COBL: variants seen among roughly 807,000 people sequenced by gnomAD.
COBL encodes cordon-bleu WH2 repeat protein.
COBL carries 51 observed loss-of-function variants against 98.8 expected under a neutral mutation model. The ratio of observed to expected loss-of-function variants is 0.52; its 90% CI spans 0.41 to 0.65. The LOEUF is 0.65. Among genes scored for constraint, COBL ranks in the 30% least tolerant of loss-of-function variants. The probability of loss-of-function intolerance (pLI) is 0.00; values close to 1 mark genes in which losing one functional copy is unlikely to be tolerated. For missense variants in COBL, 1,617 were observed against 1,617.5 expected (o/e 1.00, Z 0.01); for synonymous variants, 634 against 651.7 (o/e 0.97, Z 0.41).
Position 51,016,738 on chromosome 7 carries a change from A to G in COBL, c.*813T>C. The G allele has an allele frequency of 2.6e-6, 1 of 390,274 alleles. No homozygotes were observed. 24.2% of individuals were successfully genotyped at this position (390,274 alleles called of 1,614,324 possible). A position where few individuals can be genotyped will look rare whatever the true frequency, so the allele number is the denominator to read the frequency against. On this transcript the variant is annotated 3_prime_UTR_variant, in exon 13 of 13. Transcript: ENST00000265136. ...CCAGTGAAGTCATCAGGCTCCGTAC[A>G]CAGGCACCGTGGGGGAGGCCTATGT...
At chr7:51,292,173 T>C (rs1432976541) in intron 1 of COBL, among the ~76,000 whole-genome samples, 3 of 151,408 alleles carry the variant, frequency 2.0e-5, no homozygotes, top group Non-Finnish European at 2.9e-5. Context: ...AGTGGGAGAA[T>C]TGCCAAATGT....
chr7:51,085,396 G>A, intron 6 of COBL, 92 bp from the exon 7 acceptor site: 2 of 1,358,590 alleles, frequency 1.5e-6, no homozygotes. Context: ...GCTGGGGCAG[G>A]GACCTGCACC....
chr7:51,076,784 G>A (rs1793119126), intron 7 of COBL, among the ~76,000 whole-genome samples: 1 of 152,114 alleles, frequency 6.6e-6, no homozygotes, highest in Non-Finnish European at 1.5e-5. Context: ...CAATTACCCT[G>A]TAAATGTATG....
intron 8 of COBL, among the ~76,000 whole-genome samples, chr7:51,041,305 C>G (rs1018544072): frequency 2.0e-5 from 3 of 151,828 alleles, no homozygotes; most frequent in African/African-American, 7.3e-5. Context: ...CTGTTAGGTA[C>G]AAAGAAATAT....
chr7:51,301,222 G>A (rs757678052), intron 1 of COBL, among the ~76,000 whole-genome samples: 12 of 152,136 alleles, frequency 7.9e-5, no homozygotes, highest in Non-Finnish European at 1.5e-4. Flanking sequence ...TCTGAGACTG[G>A]AGCCTCTGGA....
chr7:51,239,222 C>T (rs1230422356), intron 1 of COBL, among the ~76,000 whole-genome samples: 2 of 152,030 alleles, frequency 1.3e-5, no homozygotes. Flanking sequence ...TTCTTAGTCA[C>T]AGGATGAGAT....
intron 1 of COBL, among the ~76,000 whole-genome samples, chr7:51,277,207 C>T (rs1203427044): frequency 3.3e-5 from 5 of 152,190 alleles, no homozygotes; most frequent in Non-Finnish European, 7.3e-5. Context: ...AAGCCAATGA[C>T]CGACTAAGTT....
intron 1 of COBL, among the ~76,000 whole-genome samples, chr7:51,250,452 A>T (rs1796631380): frequency 6.6e-6 from 1 of 152,244 alleles, no homozygotes; most frequent in Admixed American, 6.5e-5. Flanking sequence ...AATGCTGTGG[A>T]CAAATTTTAT....
chr7:51,052,965 CT>C (rs1790378884), intron 7 of COBL, among the ~76,000 whole-genome samples: 1 of 152,114 alleles, frequency 6.6e-6, no homozygotes, highest in South Asian at 2.1e-4. Context: ...ACACAGCATC[CT>C]CTCTGATCCC....
intron 1 of COBL, among the ~76,000 whole-genome samples, chr7:51,299,178 A>C (rs1046201475): frequency 4.6e-5 from 7 of 152,136 alleles, no homozygotes; most frequent in Non-Finnish European, 8.8e-5. Flanking sequence ...ACATACACAC[A>C]CACACACACA....
At chr7:51,295,610 A>G (rs903025302) in intron 1 of COBL, among the ~76,000 whole-genome samples, 2 of 152,164 alleles carry the variant, frequency 1.3e-5, no homozygotes, top group Non-Finnish European at 2.9e-5. Flanking sequence ...GACATCCTGG[A>G]GACAAGGATA....
chr7:51,218,392 A>G (rs867581394), intron 2 of COBL, among the ~76,000 whole-genome samples: 1 of 152,240 alleles, frequency 6.6e-6, no homozygotes, highest in Non-Finnish European at 1.5e-5. Flanking sequence ...TGTGAGAATA[A>G]AAACACCCAG....
At chr7:51,080,645 A>G (rs1344726964) in intron 7 of COBL, among the ~76,000 whole-genome samples, 2 of 152,196 alleles carry the variant, frequency 1.3e-5, no homozygotes, top group African/African-American at 4.8e-5. Flanking sequence ...TCCCCTATAA[A>G]CACAGCGTTT....
chr7:51,018,951 T>TA (rs1786636949), intron 12 of COBL, among the ~76,000 whole-genome samples: 1 of 113,716 alleles, frequency 8.8e-6, no homozygotes, highest in African/African-American at 3.0e-5. Flanking sequence ...TATATATATA[T>TA]ATGATTTTTT....
At chr7:51,249,124 G>A (rs915570305) in intron 1 of COBL, among the ~76,000 whole-genome samples, 8 of 152,094 alleles carry the variant, frequency 5.3e-5, no homozygotes, top group Non-Finnish European at 8.8e-5. Context: ...TGAATCTCTT[G>A]TCTCTCAGAA....
intron 5 of COBL, chr7:51,156,529 TC>T: frequency 1.0e-6 from 1 of 984,820 alleles, no homozygotes; most frequent in Non-Finnish European, 1.2e-6. Flanking sequence ...TAATTACAGA[TC>T]CAGAATATAT....
chr7:51,291,082 C>T (rs1031745134), intron 1 of COBL, among the ~76,000 whole-genome samples: 1 of 152,160 alleles, frequency 6.6e-6, no homozygotes, highest in East Asian at 1.9e-4. Flanking sequence ...GCATGGAGCG[C>T]CAGAGCAAGG....
At chr7:51,177,775 A>AAAATAAAT (rs147309503) in intron 5 of COBL, among the ~76,000 whole-genome samples, 3,857 of 142,866 alleles carry the variant, frequency 0.027, 90 homozygotes, top group East Asian at 0.053. Flanking sequence ...CTGTCTCAAA[A>AAAATAAAT]AAATAAATAA....
chr7:51,283,641 C>T (rs566187924), intron 1 of COBL, among the ~76,000 whole-genome samples: 31 of 152,078 alleles, frequency 2.0e-4, no homozygotes, highest in African/African-American at 5.5e-4. Flanking sequence ...CGCACCACCA[C>T]GCCCAGCTAA....
Sources: allele counts gnomAD v4.1 joint callset (sites outside exome capture counted in the v4.1 genomes callset), GRCh38; gene constraint gnomAD v4.1.1; transcripts MANE v1.5; gene names NCBI Gene and HGNC (gene_info 2026-07-23, HGNC 2026-07-21).